Variants in USF3 observed in about 807,000 individuals in gnomAD.
The protein encoded by USF3 is basic helix-loop-helix domain-containing protein USF3.
USF3 carries 29 observed loss-of-function variants against 157.5 expected under a neutral mutation model. The ratio of observed to expected loss-of-function variants is 0.18; its 90% CI spans 0.14 to 0.25. The LOEUF is 0.25. Ranked by LOEUF, USF3 falls within the 10% of genes least tolerant of loss-of-function variation. The pLI is 1.00. For synonymous variants in USF3, 893 were observed against 941.4 expected, an observed-to-expected ratio of 0.95 and a Z score of 0.94; for missense variants, 2,381 against 2,667.6, an observed-to-expected ratio of 0.89 and a Z score of 2.37.
At position 113,648,476 on chromosome 3, in the gene USF3, A is replaced by G. The variant is rs1947203708; in HGVS notation, c.*6468T>C. On this transcript the variant is annotated 3_prime_UTR_variant, in exon 7 of 7. Transcript: ENST00000316407. ...ATTATTACAACCATTAAAATGTTAC[A>G]TTTAACAATAAAAATTTCCAAACTT... The G allele has an allele frequency of 6.5e-6, 1 of 152,798 alleles. No individual in the cohort carries two copies. The highest frequency in any genetic ancestry group is 6.5e-5 in the Admixed American group (1 of 15,306). The allele number at this position is 152,798 out of a possible 1,614,324, so 9.5% of individuals were successfully genotyped here.
rs764226053 is a variant in USF3 at position 113,658,796 on chromosome 3, T to C, written c.2886A>G (p.Ser962=). The change falls in exon 7 of 7, where the codon TCA becomes TCG. Residue 962 remains serine (S), a synonymous_variant. Coordinates refer to ENST00000316407, the MANE Select transcript of USF3 (RefSeq NM_001009899.4). ...CAGTACTTGTAGTGCTTGTTGTAGATGACAAACCAGGAACCTGAGAAACCA... is the reference window on the plus strand; with the variant it reads ...CAGTACTTGTAGTGCTTGTTGTAGACGACAAACCAGGAACCTGAGAAACCA... ...HILVSQVPGL[S]STTSTTSTDC... is the part of the protein sequence containing the mutation. 4.3e-6 allele frequency: 7 copies of C among 1,614,182 alleles called. No homozygotes were observed. The highest frequency in any genetic ancestry group is 2.5e-6 in the Non-Finnish European group (3 of 1,180,022).
rs372093907 is a variant in USF3, at chr3:113,656,045, A to G, written c.5637T>C (p.Cys1879=). 1.9e-6 allele frequency: 3 copies of G among 1,614,104 alleles called. No homozygotes were observed. In the African/African-American group the frequency reaches 4.0e-5, roughly 22 times the overall value. Residue 1879 remains cysteine (C), a synonymous_variant, in exon 7 of 7, where the codon TGT becomes TGC. Transcript: ENST00000316407. Reference sequence around the variant, plus strand: ...TGTTAATTGCACCTAACGACATGTCACAACTTTCCCTATTCTGACTCTCAC... The same window carrying G: ...TGTTAATTGCACCTAACGACATGTCGCAACTTTCCCTATTCTGACTCTCAC... The part of the protein sequence containing the change: ...RESESQNRES[C]DMSLGAINTR...
intron 1 of USF3, among the ~76,000 whole-genome samples, chr3:113,687,816 A>G (rs1289869316): frequency 6.6e-6 from 1 of 152,250 alleles, no homozygotes; most frequent in Non-Finnish European, 1.5e-5. Flanking sequence ...GGCAGGAACA[A>G]CTTCGTCCTT....
intron 6 of USF3, among the ~76,000 whole-genome samples, chr3:113,662,510 C>G (rs1405580058): frequency 6.6e-6 from 1 of 152,166 alleles, no homozygotes; most frequent in Non-Finnish European, 1.5e-5. Flanking sequence ...TGTGAGGGAG[C>G]CTGAAATGAA....
intron 1 of USF3, among the ~76,000 whole-genome samples, chr3:113,680,053 C>CTTTTTTT (rs71131103): frequency 9.7e-4 from 57 of 58,594 alleles, no homozygotes; most frequent in East Asian, 3.0e-3. Flanking sequence ...CTGTAGTTTT[C>CTTTTTTT]TTTTTTTTTT....
Position 113,659,759 on chromosome 3 carries a change from T to C in USF3, c.1923A>G (p.Ser641=). The change falls in exon 7 of 7, where the codon TCA becomes TCG. Residue 641 remains serine, a synonymous_variant. Coordinates refer to ENST00000316407, the MANE Select transcript of USF3 (RefSeq NM_001009899.4). ...GTGTTGAGTTAGACGCTGATAAAGA[T>C]GAAGGTCTTGGTAATATGTGGACAA... is the stretch of plus-strand genomic sequence containing the variant. ...KHLVHILPRP[S]SLSASNSTQT... 2 of 1,614,232 alleles carry C rather than the reference T, an allele frequency of 1.2e-6. No homozygotes were observed. Among genetic ancestry groups the C allele is most frequent in the Non-Finnish European group, 1.7e-6 (2 of 1,180,024 alleles).
chr3:113,658,613 A>G lies in USF3; in HGVS notation c.3069T>C (p.Ser1023=). The change falls in exon 7 of 7, where the codon TCT becomes TCC. Residue 1023 remains serine, a synonymous_variant. Coordinates refer to ENST00000316407, the MANE Select transcript of USF3 (RefSeq NM_001009899.4). ...KKKNPQKSSL[S]DQMDHPDFSS... ...AAAAGTCAGGATGATCCATCTGATCAGAAAGAGATGATTTCTGAGGGTTTT... is the reference window on the plus strand; with the variant it reads ...AAAAGTCAGGATGATCCATCTGATCGGAAAGAGATGATTTCTGAGGGTTTT... The G allele has an allele frequency of 6.2e-7, 1 of 1,613,746 alleles. No individual in the cohort carries two copies. The highest frequency in any genetic ancestry group is 8.5e-7 in the Non-Finnish European group (1 of 1,179,880).
At chr3:113,674,700 T>C (rs1054557955) in intron 3 of USF3, 132 bp downstream of exon 3, 10 of 757,342 alleles carry the variant, frequency 1.3e-5, no homozygotes, top group Non-Finnish European at 2.4e-5. Context: ...TATCTACAAA[T>C]ATTTTTGGAG....
At chr3:113,685,233 C>G (rs1707520810) in intron 1 of USF3, among the ~76,000 whole-genome samples, 1 of 152,112 alleles carries the variant, frequency 6.6e-6, no homozygotes, top group African/African-American at 2.4e-5. Context: ...GCTGAGCTGC[C>G]CGGAGTTGGG....
chr3:113,660,568 C>T lies in USF3; in HGVS notation c.1114G>A (p.Val372Met). Residue 372 changes from valine (V) to methionine (M), a missense_variant, in exon 7 of 7, where the codon GTG becomes ATG. Coordinates refer to ENST00000316407, the MANE Select transcript of USF3 (RefSeq NM_001009899.4). ...SADLTSTATV[V>M]ASSAPGVGKA... ...CCTACTCCAGGGGCAGATGATGCCA[C>T]CACTGTAGCTGTACTTGTCAAGTCT... 6.2e-7 allele frequency: 1 copy of T among 1,614,174 alleles called. No individual in the cohort carries two copies. Among genetic ancestry groups the T allele is most frequent in the Non-Finnish European group, 8.5e-7 (1 of 1,180,024 alleles).
In USF3 at chr3:113,657,161, A is replaced by G; in HGVS notation, c.4521T>C (p.His1507=). 6.2e-7 allele frequency: 1 copy of G among 1,614,106 alleles called. No homozygotes were observed. The highest frequency in any genetic ancestry group is 2.2e-5 in the East Asian group (1 of 44,880). ...HAESSVHSQP[H]NVHQQRTLQQ... ...GCAGAGTCCTCTGTTGGTGGACATT[A>G]TGGGGCTGAGAGTGGACAGAGCTCT... Residue 1507 remains histidine, a synonymous_variant, in exon 7 of 7, where the codon CAT becomes CAC. Transcript: ENST00000316407.
chr3:113,696,565 T>A lies in USF3; in HGVS notation c.-330A>T, dbSNP rs1373895290. The A allele has an allele frequency of 1.4e-5, 2 of 143,744 alleles. No individual in the cohort carries two copies. Among genetic ancestry groups the A allele is most frequent in the Non-Finnish European group, 3.1e-5 (2 of 64,904 alleles). 8.9% of individuals were successfully genotyped at this position (143,744 alleles called of 1,614,324 possible). A position where few individuals can be genotyped will look rare whatever the true frequency, so the allele number is the denominator to read the frequency against. On this transcript the variant is annotated 5_prime_UTR_variant, in exon 1 of 7. Coordinates refer to ENST00000316407, the MANE Select transcript of USF3 (RefSeq NM_001009899.4). ...CTCTCCCCCCGCCCCCGCCGCCTCT[T>A]TTTGCGGCCACCGCAGCCGCTGCGA... is the stretch of plus-strand genomic sequence containing the variant.
Position 113,652,084 on chromosome 3 carries a change from G to GGAGAGAGAGA in USF3, c.*2850_*2859dup, listed in dbSNP as rs746636350. ...AGTCCTTCAGAACTTAACAGCCACT[G>GGAGAGAGAGA]GAGAGAGAGAGAGAGAGAGAGAGAG... On this transcript the variant is annotated 3_prime_UTR_variant, in exon 7 of 7. Transcript: ENST00000316407. 2 of 143,318 alleles carry GGAGAGAGAGA rather than the reference G, an allele frequency of 1.4e-5. No homozygotes were observed. Among genetic ancestry groups the GGAGAGAGAGA allele is most frequent in the African/African-American group, 2.6e-5 (1 of 38,472 alleles). 8.9% of individuals were successfully genotyped at this position (143,318 alleles called of 1,614,324 possible). A position where few individuals can be genotyped will look rare whatever the true frequency, so the allele number is the denominator to read the frequency against.
intron 1 of USF3, among the ~76,000 whole-genome samples, chr3:113,694,346 TA>T (rs1356786291): frequency 6.6e-6 from 1 of 152,246 alleles, no homozygotes; most frequent in Non-Finnish European, 1.5e-5. Flanking sequence ...ATAGGAAAAG[TA>T]CCCATCAATT....
chr3:113,694,460 C>G (rs1195673338), intron 1 of USF3, among the ~76,000 whole-genome samples: 1 of 152,224 alleles, frequency 6.6e-6, no homozygotes, highest in African/African-American at 2.4e-5. Context: ...TACTTCAATT[C>G]TAAGCTGCTC....
At chr3:113,696,267 G>A (rs1051041149) in intron 1 of USF3, 103 bp downstream of exon 1, 5 of 152,626 alleles carry the variant, frequency 3.3e-5, no homozygotes, top group African/African-American at 9.7e-5. Context: ...CAGGAAGGGG[G>A]TGGGTGGAGC....
rs10606566 is a variant in USF3 at position 113,657,263 on chromosome 3, T to TTGC, written c.4416_4418dup (p.Gln1478dup). 0.074 allele frequency: 117,237 copies of TTGC among 1,582,220 alleles called. 3,201 individuals carry two copies. The highest frequency in any genetic ancestry group is 0.082 in the Non-Finnish European group (94,425 of 1,156,628). On this transcript the variant is annotated inframe_insertion, in exon 7 of 7. Transcript: ENST00000316407. ...ACTGCCCTGCTTGTTGTTGTTGCTG[T>TTGC]TGCTGCTGCTGCTGCTGCTGCTGCT...
chr3:113,693,698 T>A (rs1707739276), intron 1 of USF3, among the ~76,000 whole-genome samples: 1 of 152,194 alleles, frequency 6.6e-6, no homozygotes, highest in African/African-American at 2.4e-5. Flanking sequence ...AACTGCCACA[T>A]ACCGTAAGCC....
chr3:113,677,690 CA>C (rs1044630498), intron 1 of USF3, among the ~76,000 whole-genome samples: 3 of 152,178 alleles, frequency 2.0e-5, no homozygotes, highest in African/African-American at 7.2e-5. Context: ...CTTAGGTCCT[CA>C]CTAGCTGCTG....
Sources: allele counts gnomAD v4.1 joint callset (sites outside exome capture counted in the v4.1 genomes callset), GRCh38; gene constraint gnomAD v4.1.1; transcripts MANE v1.5; gene names NCBI Gene and HGNC (gene_info 2026-07-23, HGNC 2026-07-21).